Variants in ZBTB20 observed in about 807,000 individuals in gnomAD.
ZBTB20 encodes the protein zinc finger and BTB domain containing 20.
A neutral mutation model predicts 56.9 loss-of-function variants in ZBTB20; 9 were observed. The observed-to-expected ratio is 0.16, with a 90% confidence interval of 0.10 to 0.28. The LOEUF is 0.28. Among genes scored for constraint, ZBTB20 ranks in the 10% least tolerant of loss-of-function variants. The pLI, the probability that ZBTB20 is intolerant of heterozygous loss-of-function variation, is 1.00. For synonymous variants in ZBTB20, 417 were observed against 420.7 expected, an observed-to-expected ratio of 0.99 and a Z score of 0.11; for missense variants, 655 against 1,003.0, an observed-to-expected ratio of 0.65 and a Z score of 4.69.
chr3:115,086,292 G>C (rs2082982059), intron 1 of ZBTB20, among the ~76,000 whole-genome samples: 1 of 151,648 alleles, frequency 6.6e-6, no homozygotes, highest in Middle Eastern at 3.2e-3. Flanking sequence ...CTACTTTTTT[G>C]GAGGTGGAAA....
At chr3:115,074,301 T>A (rs1266291579) in intron 1 of ZBTB20, among the ~76,000 whole-genome samples, 1 of 152,168 alleles carries the variant, frequency 6.6e-6, no homozygotes, top group Non-Finnish European at 1.5e-5. Flanking sequence ...TAAAAGGTAT[T>A]CATTAACTGC....
chr3:114,662,504 A>C (rs2060795221), intron 6 of ZBTB20, among the ~76,000 whole-genome samples: 2 of 145,450 alleles, frequency 1.4e-5, no homozygotes, highest in African/African-American at 5.2e-5. Flanking sequence ...TGGTTGAACT[A>C]GTTTACAGTC....
intron 6 of ZBTB20, among the ~76,000 whole-genome samples, chr3:114,640,710 A>C (rs2059515110): frequency 6.6e-6 from 1 of 152,092 alleles, no homozygotes; most frequent in African/African-American, 2.4e-5. Flanking sequence ...TACAGTGATA[A>C]TCATTCTATT....
chr3:114,717,113 T>G (rs960999961), intron 5 of ZBTB20, among the ~76,000 whole-genome samples: 1 of 152,264 alleles, frequency 6.6e-6, no homozygotes, highest in East Asian at 1.9e-4. Flanking sequence ...TACTTACCCT[T>G]GCAGAGCCTT....
At chr3:114,487,482 C>T (rs555815378) in intron 7 of ZBTB20, among the ~76,000 whole-genome samples, 1 of 152,338 alleles carries the variant, frequency 6.6e-6, no homozygotes, top group Admixed American at 6.5e-5. Context: ...ACACACATGA[C>T]TTTCATGTCC....
intron 6 of ZBTB20, among the ~76,000 whole-genome samples, chr3:114,593,426 C>A (rs1266689378): frequency 1.3e-5 from 2 of 149,338 alleles, no homozygotes; most frequent in Non-Finnish European, 3.0e-5. Flanking sequence ...CTCTTGTGGC[C>A]CAGGCTGGAG....
At chr3:114,812,653 G>A (rs1215437801) in intron 4 of ZBTB20, among the ~76,000 whole-genome samples, 2 of 152,210 alleles carry the variant, frequency 1.3e-5, no homozygotes, top group Admixed American at 6.5e-5. Context: ...TCCCGCACCC[G>A]GGCTGCAGGT....
chr3:114,388,361 C>G (rs1452050584), intron 8 of ZBTB20: 1 of 152,202 alleles, frequency 6.6e-6, no homozygotes, highest in African/African-American at 2.4e-5. Flanking sequence ...ATCATATCCC[C>G]TACCCCAAAT....
intron 5 of ZBTB20, among the ~76,000 whole-genome samples, chr3:114,780,558 G>A (rs911541188): frequency 6.6e-6 from 1 of 152,148 alleles, no homozygotes; most frequent in African/African-American, 2.4e-5. Context: ...TGCGATCTCG[G>A]CTCACTGCAA....
intron 6 of ZBTB20, among the ~76,000 whole-genome samples, chr3:114,514,288 G>T (rs2045735706): frequency 6.6e-6 from 1 of 152,170 alleles, no homozygotes; most frequent in African/African-American, 2.4e-5. Context: ...AAGAGAAGGA[G>T]CTTAGGAATT....
rs533815009 is a variant in ZBTB20 at position 114,499,497 on chromosome 3, C to T, written c.-255+855G>A. Reference sequence around the variant, plus strand: ...TGTTGTGAATAAGGAACAGAGCTCACCAGAGAGTGAGAAGCAGCCAGAGGA... The same window carrying T: ...TGTTGTGAATAAGGAACAGAGCTCATCAGAGAGTGAGAAGCAGCCAGAGGA... On this transcript the variant is annotated intron_variant, in intron 7 of 11. Transcript: ENST00000675478. Among the ~76,000 whole-genome samples the T allele has an allele frequency of 4.6e-5, 7 of 152,232 alleles. No homozygotes were observed. In the South Asian group the frequency reaches 1.5e-3, roughly 32 times the overall value.
At chr3:115,137,742 A>C (rs772025219) in intron 1 of ZBTB20, among the ~76,000 whole-genome samples, 2 of 152,098 alleles carry the variant, frequency 1.3e-5, no homozygotes, top group Non-Finnish European at 2.9e-5. Flanking sequence ...CATCCTCAAG[A>C]AAGTTAACAG....
chr3:114,827,623 T>C (rs1362401788), intron 4 of ZBTB20, among the ~76,000 whole-genome samples: 1 of 151,750 alleles, frequency 6.6e-6, no homozygotes, highest in African/African-American at 2.4e-5. Context: ...TCTAGAAATA[T>C]AACTGCTATC....
chr3:114,427,846 C>G (rs1278530953), intron 7 of ZBTB20, among the ~76,000 whole-genome samples: 1 of 152,186 alleles, frequency 6.6e-6, no homozygotes, highest in African/African-American at 2.4e-5. Flanking sequence ...AGAGGCAGAG[C>G]ACTCGTTTTG....
At chr3:114,802,056 C>T (rs1423473514) in intron 4 of ZBTB20, among the ~76,000 whole-genome samples, 2 of 151,794 alleles carry the variant, frequency 1.3e-5, no homozygotes, top group African/African-American at 2.4e-5. Context: ...AAAAAAATCA[C>T]ATCACACACT....
chr3:114,446,334 T>G (rs896755192), intron 7 of ZBTB20, among the ~76,000 whole-genome samples: 5 of 152,194 alleles, frequency 3.3e-5, no homozygotes, highest in African/African-American at 9.6e-5. Context: ...CATTTTCTTG[T>G]TTTAAACTAC....
chr3:114,968,124 T>G (rs1205638569), intron 3 of ZBTB20, among the ~76,000 whole-genome samples: 1 of 152,124 alleles, frequency 6.6e-6, no homozygotes, highest in Non-Finnish European at 1.5e-5. Context: ...ATCTATTTAG[T>G]ATATTTGAAT....
At chr3:114,837,176 C>T (rs2074162510) in intron 4 of ZBTB20, among the ~76,000 whole-genome samples, 1 of 152,138 alleles carries the variant, frequency 6.6e-6, no homozygotes, top group South Asian at 2.1e-4. Context: ...CCAAGATAGC[C>T]AAAGCATCCC....
At chr3:114,493,501 A>C (rs2042961634) in intron 7 of ZBTB20, among the ~76,000 whole-genome samples, 1 of 152,170 alleles carries the variant, frequency 6.6e-6, no homozygotes, top group South Asian at 2.1e-4. Context: ...AACATGGCCT[A>C]CCAAGGACCT....
Sources: gnomAD v4.1 joint callset for allele counts (sites outside exome capture counted in the v4.1 genomes callset) on GRCh38, gnomAD v4.1.1 for gene constraint, MANE v1.5 for transcripts, NCBI Gene and HGNC (gene_info 2026-07-23, HGNC 2026-07-21) for gene names.